GALNT9: variants seen among roughly 807,000 people sequenced by gnomAD.
The protein encoded by GALNT9 is GalNAc transferase 9.
In GALNT9, 47 loss-of-function variants were observed where a neutral mutation model predicts 63.1. The ratio of observed to expected loss-of-function variants is 0.75; its 90% CI spans 0.59 to 0.95. The LOEUF (loss-of-function observed/expected upper bound fraction) is 0.95, where lower values mean the gene tolerates loss of function less well. Ranked by LOEUF, GALNT9 falls within the 40% of genes least tolerant of loss-of-function variation. The probability of loss-of-function intolerance (pLI) is 0.00; values close to 1 mark genes in which losing one functional copy is unlikely to be tolerated. For synonymous variants in GALNT9, 396 were observed against 365.7 expected (o/e 1.08, Z -0.94); for missense variants, 829 against 874.8 (o/e 0.95, Z 0.66).
chr12:132,281,857 CACA>C (rs1880360106), intron 2 of GALNT9, among the ~76,000 whole-genome samples: 1 of 150,134 alleles, frequency 6.7e-6, no homozygotes. Context: ...CTGGGGGTCC[CACA>C]TCCCACAGAG....
At chr12:132,207,207 C>T (rs553759573) in intron 6 of GALNT9, among the ~76,000 whole-genome samples, 60 of 152,346 alleles carry the variant, frequency 3.9e-4, no homozygotes, top group African/African-American at 1.4e-3. Flanking sequence ...AGTATGGCGC[C>T]GCCTGCTATC....
rs1376435171 is a variant in GALNT9, at chr12:132,282,409, G to GTGCGTGTGTGTGCGTGTGTGCGTGCA, written c.419+3815_419+3840dup. Among the ~76,000 whole-genome samples the GTGCGTGTGTGTGCGTGTGTGCGTGCA allele has an allele frequency of 6.7e-6, 1 of 148,252 alleles. No homozygotes were observed. The highest frequency in any genetic ancestry group is 2.6e-4 in the South Asian group (1 of 3,826). The stretch of plus-strand genomic sequence containing the variant: ...ACTAAAAATACGTGTGTGCGCGTGT[G>GTGCGTGTGTGTGCGTGTGTGCGTGCA]TGCGTGTGTGTGCGTGTGTGCGTGC... On this transcript the variant is annotated intron_variant, in intron 2 of 10. Coordinates refer to ENST00000328957, the MANE Select transcript of GALNT9 (RefSeq NM_001122636.2). This position sits in a 1 kb window ranked among gnomAD's most constrained non-coding sequence, Gnocchi z 4.5.
intron 6 of GALNT9, among the ~76,000 whole-genome samples, chr12:132,225,299 A>C (rs1432244756): frequency 0.022 from 819 of 37,708 alleles, no homozygotes; most frequent in Non-Finnish European, 0.023. Context: ...CATACACACC[A>C]CCCCCACACA....
intron 1 of GALNT9, among the ~76,000 whole-genome samples, chr12:132,295,489 G>T (rs545756483): frequency 6.6e-6 from 1 of 152,224 alleles, no homozygotes; most frequent in Non-Finnish European, 1.5e-5. Flanking sequence ...GAGGTAGTGC[G>T]GGAGTCGGGT....
At chr12:132,267,941 G>A (rs192601478) in intron 2 of GALNT9, among the ~76,000 whole-genome samples, 1,581 of 123,918 alleles carry the variant, frequency 0.013, 18 homozygotes, top group East Asian at 0.073. Context: ...ACACACACAC[G>A]CACTCACATA....
At chr12:132,299,807 AC>A (rs1555243672) in intron 1 of GALNT9, among the ~76,000 whole-genome samples, 1 of 138,742 alleles carries the variant, frequency 7.2e-6, no homozygotes, top group Admixed American at 7.1e-5. Flanking sequence ...CACTCCCATA[AC>A]TAACCCACTC....
At chr12:132,321,261 C>A (rs1489418825) in intron 1 of GALNT9, among the ~76,000 whole-genome samples, 1 of 145,162 alleles carries the variant, frequency 6.9e-6, no homozygotes, top group African/African-American at 2.6e-5. Context: ...AGTCGAGGCC[C>A]CTGTGGGTCC....
rs535493094 is a variant in GALNT9 at position 132,201,321 on chromosome 12, C to T, written c.1264-60G>A. 3.3e-5 allele frequency: 41 copies of T among 1,249,676 alleles called. No individual in the cohort carries two copies. The East Asian group carries it at 8.4e-4, about 26-fold the overall frequency. 77.4% of individuals were successfully genotyped at this position (1,249,676 alleles called of 1,614,324 possible). The stretch of plus-strand genomic sequence containing the variant: ...GTGTCACCATGACCTGGGTCTTCCC[C>T]ATAATGAGGTTGGGGGTCTCCAGGG... On this transcript the variant is annotated intron_variant, in intron 7 of 10. Coordinates refer to ENST00000328957, the MANE Select transcript of GALNT9 (RefSeq NM_001122636.2).
intron 6 of GALNT9, among the ~76,000 whole-genome samples, chr12:132,216,608 C>T (rs1048412529): frequency 5.3e-5 from 8 of 152,220 alleles, no homozygotes; most frequent in African/African-American, 7.2e-5. Flanking sequence ...CCCTGGTCTC[C>T]GCTGGGTGTC....
In GALNT9 at chr12:132,257,897, A is replaced by G. The variant is rs1472093933; in HGVS notation, c.762-11T>C. ...AGTGCGGGCTCGGCCCTGCGGAGGCACAGCTGTGAGGAGGGGCGGCCCCAG... is the reference window on the plus strand; with the variant it reads ...AGTGCGGGCTCGGCCCTGCGGAGGCGCAGCTGTGAGGAGGGGCGGCCCCAG... On this transcript the variant is annotated splice_polypyrimidine_tract_variant and intron_variant, in intron 4 of 10. Coordinates refer to ENST00000328957, the MANE Select transcript of GALNT9 (RefSeq NM_001122636.2). 7 of 1,516,352 alleles carry G rather than the reference A, an allele frequency of 4.6e-6. No homozygotes were observed. In the East Asian group the frequency reaches 1.7e-4, roughly 37 times the overall value. The allele number at this position is 1,516,352 out of a possible 1,614,324, so 93.9% of individuals were successfully genotyped here.
chr12:132,225,093 A>T (rs1172525277), intron 6 of GALNT9, among the ~76,000 whole-genome samples: 7 of 123,466 alleles, frequency 5.7e-5, no homozygotes, highest in Non-Finnish European at 1.1e-4. Flanking sequence ...CATGCCACAC[A>T]CTGTACATAC....
At chr12:132,304,819 G>T (rs374187553) in intron 1 of GALNT9, among the ~76,000 whole-genome samples, 9 of 13,118 alleles carry the variant, frequency 6.9e-4, no homozygotes, top group Admixed American at 9.8e-4. Context: ...GCACACCCTC[G>T]CCCGGGCACA....
intron 1 of GALNT9, among the ~76,000 whole-genome samples, chr12:132,307,351 T>C (rs28662261): frequency 0.8 from 121,536 of 152,090 alleles, 48,733 homozygotes; most frequent in East Asian, 1. Context: ...ATCTGTTCAT[T>C]AGGCAGGACA....
intron 2 of GALNT9, among the ~76,000 whole-genome samples, chr12:132,271,407 G>A (rs1879861824): frequency 6.6e-6 from 1 of 152,102 alleles, no homozygotes; most frequent in African/African-American, 2.4e-5. Flanking sequence ...GTTTCTTCCA[G>A]GTTTCTTTAT....
intron 5 of GALNT9, 93 bp downstream of exon 5, chr12:132,257,596 C>T: frequency 1.1e-6 from 1 of 945,958 alleles, no homozygotes; most frequent in South Asian, 1.6e-5. Flanking sequence ...TCGTCCCCGG[C>T]CCTCATCCCT....
intron 2 of GALNT9, among the ~76,000 whole-genome samples, chr12:132,272,228 C>T (rs1021841869): frequency 9.2e-5 from 14 of 152,326 alleles, no homozygotes; most frequent in Non-Finnish European, 1.8e-4. Context: ...GGGCCTGGCC[C>T]AGGTCTCACA....
intron 6 of GALNT9, chr12:132,240,787 C>T (rs1878252269): frequency 2.2e-6 from 1 of 449,388 alleles, no homozygotes; most frequent in African/African-American, 2.0e-5. Flanking sequence ...ATGATCTATA[C>T]ATGTTTACAC....
intron 6 of GALNT9, chr12:132,247,504 C>T (rs996951950): frequency 2.4e-5 from 10 of 416,138 alleles, no homozygotes; most frequent in Middle Eastern, 6.9e-4. Flanking sequence ...CCAGCTGCCT[C>T]AGCCTAGGCT....
At chr12:132,226,027 T>A (rs1877665548) in intron 6 of GALNT9, among the ~76,000 whole-genome samples, 1 of 92,038 alleles carries the variant, frequency 1.1e-5, no homozygotes, top group Non-Finnish European at 2.0e-5. Flanking sequence ...ACACCCCACA[T>A]ACACCCCATA....
Sources: allele counts gnomAD v4.1 joint callset (sites outside exome capture counted in the v4.1 genomes callset), GRCh38; gene constraint gnomAD v4.1.1; non-coding constraint Gnocchi (gnomAD v3.1); transcripts MANE v1.5; gene names NCBI Gene and HGNC (gene_info 2026-07-23, HGNC 2026-07-21).